Variants in PPM1H observed in about 807,000 individuals in gnomAD.
PPM1H encodes the protein protein phosphatase 1H.
In PPM1H, 27 loss-of-function variants were observed where a neutral mutation model predicts 54.9. The observed-to-expected ratio is 0.49, with a 90% CI of 0.36 to 0.68. PPM1H has a LOEUF of 0.68. Ranked by LOEUF, PPM1H falls within the 30% of genes least tolerant of loss-of-function variation. The pLI, the probability that PPM1H is intolerant of heterozygous loss-of-function variation, is 0.00. For missense variants in PPM1H, 596 were observed against 667.8 expected, an observed-to-expected ratio of 0.89 and a Z score of 1.19; for synonymous variants, 305 against 270.8, an observed-to-expected ratio of 1.13 and a Z score of -1.24.
Position 62,836,309 on chromosome 12 carries a change from T to C in PPM1H, c.246-4030A>G, listed in dbSNP as rs545220597. Among the ~76,000 whole-genome samples, 6 of 152,330 alleles carry C rather than the reference T, an allele frequency of 3.9e-5. No individual in the cohort carries two copies. In the South Asian group the frequency reaches 1.2e-3, roughly 32 times the overall value. On this transcript the variant is annotated intron_variant, in intron 1 of 9. Coordinates refer to ENST00000228705, the MANE Select transcript of PPM1H (RefSeq NM_020700.2). ...AACTATCTCCCTAGAATACAGCACA[T>C]AGCAGGTGCTCAACAAATGTTTACT...
intron 1 of PPM1H, among the ~76,000 whole-genome samples, chr12:62,932,222 A>G (rs931391206): frequency 2.6e-5 from 4 of 151,454 alleles, no homozygotes; most frequent in Non-Finnish European, 5.9e-5. Flanking sequence ...TTATTCTAGG[A>G]AAAAAAAATT....
intron 3 of PPM1H, among the ~76,000 whole-genome samples, chr12:62,788,655 G>A (rs1357378493): frequency 6.6e-6 from 1 of 152,178 alleles, no homozygotes; most frequent in Non-Finnish European, 1.5e-5. Flanking sequence ...TAGTCTTTGT[G>A]GATTGCATGA....
At chr12:62,811,625 T>C (rs912128874) in intron 2 of PPM1H, among the ~76,000 whole-genome samples, 4 of 152,186 alleles carry the variant, frequency 2.6e-5, no homozygotes, top group African/African-American at 7.2e-5. Flanking sequence ...TCGGAGGTCA[T>C]TGAATCATGG....
intron 8 of PPM1H, among the ~76,000 whole-genome samples, chr12:62,670,071 A>G (rs888527460): frequency 3.1e-5 from 4 of 128,170 alleles, no homozygotes; most frequent in East Asian, 2.6e-4. Flanking sequence ...TCTGCCTCCC[A>G]GGTTGAAGCG....
chr12:62,776,578 T>C (rs1307090400), intron 4 of PPM1H, among the ~76,000 whole-genome samples: 1 of 152,196 alleles, frequency 6.6e-6, no homozygotes, highest in East Asian at 1.9e-4. Flanking sequence ...AAGCACATCA[T>C]CTGTAATCTG....
At chr12:62,805,893 T>C (rs940202943) in intron 2 of PPM1H, among the ~76,000 whole-genome samples, 4 of 152,206 alleles carry the variant, frequency 2.6e-5, no homozygotes, top group African/African-American at 9.6e-5. Flanking sequence ...AGGGAATGGA[T>C]GTATTAACTT....
chr12:62,836,644 G>A (rs1868511657), intron 1 of PPM1H, among the ~76,000 whole-genome samples: 1 of 152,068 alleles, frequency 6.6e-6, no homozygotes, highest in South Asian at 2.1e-4. Flanking sequence ...TGTGTGTGTT[G>A]GGGAGGGGTG....
intron 7 of PPM1H, among the ~76,000 whole-genome samples, chr12:62,693,430 G>A (rs2076094316): frequency 1.3e-5 from 2 of 152,212 alleles, no homozygotes; most frequent in African/African-American, 4.8e-5. Flanking sequence ...GACTTGCAAA[G>A]TCTGGACTTC....
chr12:62,760,380 T>A (rs200751912), intron 4 of PPM1H, among the ~76,000 whole-genome samples: 2,711 of 152,232 alleles, frequency 0.018, 60 homozygotes, highest in East Asian at 0.094. Context: ...CCCTTTCTAC[T>A]AACCCATCTG....
rs17732512 is a variant in PPM1H at position 62,647,684 on chromosome 12, C to T, written c.*805G>A. ...TCAGTTTCATGAAAACACACTGATT[C>T]GGTTAGAAAATGCAACTTGGGAACA... On this transcript the variant is annotated 3_prime_UTR_variant, in exon 10 of 10. Coordinates refer to ENST00000228705, the MANE Select transcript of PPM1H (RefSeq NM_020700.2). 1,047 of 152,278 alleles carry T rather than the reference C, an allele frequency of 6.9e-3. 13 individuals are homozygous for T. The highest frequency in any genetic ancestry group is 0.011 in the Non-Finnish European group (723 of 68,114). The allele number at this position is 152,278 out of a possible 1,614,324, so 9.4% of individuals were successfully genotyped here.
At chr12:62,890,991 C>A (rs1474165242) in intron 1 of PPM1H, among the ~76,000 whole-genome samples, 4 of 151,416 alleles carry the variant, frequency 2.6e-5, no homozygotes, top group African/African-American at 9.7e-5. Context: ...CGCCTGTAAT[C>A]CCAGCTACTT....
At chr12:62,697,896 C>G (rs1227925944) in intron 6 of PPM1H, among the ~76,000 whole-genome samples, 1 of 151,890 alleles carries the variant, frequency 6.6e-6, no homozygotes, top group Non-Finnish European at 1.5e-5. Flanking sequence ...TAGACAAACT[C>G]TTATTAATAT....
intron 1 of PPM1H, among the ~76,000 whole-genome samples, chr12:62,908,513 T>C (rs937284701): frequency 1.1e-4 from 16 of 152,170 alleles, no homozygotes; most frequent in African/African-American, 3.9e-4. Context: ...TAACCAAAAG[T>C]TATTTACTAT....
At chr12:62,817,316 G>A (rs11174675) in intron 2 of PPM1H, among the ~76,000 whole-genome samples, 1 of 151,374 alleles carries the variant, frequency 6.6e-6, no homozygotes, top group Admixed American at 6.6e-5. Context: ...CAAAAAATTA[G>A]CCGGGCGTGG....
At position 62,838,789 on chromosome 12, in the gene PPM1H, C is replaced by G. The variant is rs181334242; in HGVS notation, c.246-6510G>C. ...ACAAAAAATTAGCCGGGCGTAGTGG[C>G]GGGCGCCTGTAGTCCCAGCTACTCG... On this transcript the variant is annotated intron_variant, in intron 1 of 9. Transcript: ENST00000228705. Among the ~76,000 whole-genome samples the G allele has an allele frequency of 5.0e-3, 662 of 131,984 alleles. 114 individuals carry two copies. The highest frequency in any genetic ancestry group is 0.02 in the African/African-American group (633 of 31,438). 86.6% of individuals were successfully genotyped at this position (131,984 alleles called of 152,430 possible). A position where few individuals can be genotyped will look rare whatever the true frequency, so the allele number is the denominator to read the frequency against.
intron 9 of PPM1H, among the ~76,000 whole-genome samples, chr12:62,660,153 G>A (rs1452262735): frequency 2.0e-5 from 3 of 152,200 alleles, no homozygotes; most frequent in Non-Finnish European, 4.4e-5. Context: ...GGAGGGCACT[G>A]GCTCTTGGGA....
At chr12:62,748,236 C>T (rs953914869) in intron 4 of PPM1H, among the ~76,000 whole-genome samples, 1 of 151,132 alleles carries the variant, frequency 6.6e-6, no homozygotes, top group African/African-American at 2.4e-5. Flanking sequence ...GAGCGAGACT[C>T]CGTCTCAAAA....
At position 62,934,472 on chromosome 12, in the gene PPM1H, G is replaced by T; in HGVS notation, c.245+20C>A. ...GGGCCGCGAGGAGAGCAGGGGCGCC[G>T]CCGGTGTCGCTGCACTCACTCTGCG... On this transcript the variant is annotated intron_variant, in intron 1 of 9. Coordinates refer to ENST00000228705, the MANE Select transcript of PPM1H (RefSeq NM_020700.2). The surrounding 1 kb of genome is among the most constrained non-coding windows in gnomAD (Gnocchi z 4.2). 3 of 1,527,056 alleles carry T rather than the reference G, an allele frequency of 2.0e-6. No homozygotes were observed. The highest frequency in any genetic ancestry group is 1.4e-5 in the African/African-American group (1 of 72,354). 94.6% of individuals were successfully genotyped at this position (1,527,056 alleles called of 1,614,324 possible). A position where few individuals can be genotyped will look rare whatever the true frequency, so the allele number is the denominator to read the frequency against.
At chr12:62,819,088 C>T (rs2076886831) in intron 2 of PPM1H, among the ~76,000 whole-genome samples, 1 of 149,758 alleles carries the variant, frequency 6.7e-6, no homozygotes, top group Non-Finnish European at 1.5e-5. Context: ...TCCAAAAGTG[C>T]TGGGAGTACA....
Sources: gnomAD v4.1 joint callset for allele counts (sites outside exome capture counted in the v4.1 genomes callset) on GRCh38, gnomAD v4.1.1 for gene constraint, Gnocchi (gnomAD v3.1) non-coding constraint, MANE v1.5 for transcripts, NCBI Gene and HGNC (gene_info 2026-07-23, HGNC 2026-07-21) for gene names.